The following DLGAP1 variants were observed in gnomAD, a reference collection of about 807,000 sequenced individuals.
The protein encoded by DLGAP1 is disks large-associated protein 1.
A neutral mutation model predicts 90.8 loss-of-function variants in DLGAP1; 11 were observed. That is an observed-to-expected ratio of 0.12 (90% CI 0.08 to 0.20). DLGAP1 has a LOEUF of 0.20. Ranked by LOEUF, DLGAP1 falls within the 10% of genes least tolerant of loss-of-function variation. The pLI, the probability that DLGAP1 is intolerant of heterozygous loss-of-function variation, is 1.00. For synonymous variants in DLGAP1, 558 were observed against 540.7 expected (o/e 1.03, Z -0.44); for missense variants, 1,050 against 1,333.8 (o/e 0.79, Z 3.31).
At chr18:3,998,802 CA>C (rs1157673484) in intron 3 of DLGAP1, among the ~76,000 whole-genome samples, 1 of 152,052 alleles carries the variant, frequency 6.6e-6, no homozygotes, top group African/African-American at 2.4e-5. Context: ...CTACCACTAG[CA>C]AAATGATTAC....
intron 1 of DLGAP1, among the ~76,000 whole-genome samples, chr18:4,445,900 A>G (rs1301134064): frequency 6.6e-6 from 1 of 152,104 alleles, no homozygotes; most frequent in African/African-American, 2.4e-5. Context: ...CATTAAAACA[A>G]TTATTTTAAA....
intron 1 of DLGAP1, among the ~76,000 whole-genome samples, chr18:4,280,256 G>A (rs1401478094): frequency 2.6e-5 from 4 of 152,004 alleles, no homozygotes; most frequent in African/African-American, 9.7e-5. Context: ...TACCCACCCT[G>A]GCAATTATTA....
intron 7 of DLGAP1, among the ~76,000 whole-genome samples, chr18:3,650,198 A>G (rs904138130): frequency 2.0e-5 from 3 of 152,130 alleles, no homozygotes; most frequent in African/African-American, 7.2e-5. Context: ...ACCTGCCATC[A>G]TGCCTGGCTA....
In DLGAP1 at chr18:3,497,471, G is replaced by A. The variant is rs1233527211; in HGVS notation, c.*1714C>T. The A allele has an allele frequency of 6.6e-6, 1 of 152,068 alleles. No individual in the cohort carries two copies. The highest frequency in any genetic ancestry group is 2.4e-5 in the African/African-American group (1 of 41,394). The allele number at this position is 152,068 out of a possible 1,614,324, so 9.4% of individuals were successfully genotyped here. A position where few individuals can be genotyped will look rare whatever the true frequency, so the allele number is the denominator to read the frequency against. ...TCTGAGAGGTAGCGAATTCTCTAGT[G>A]GTTTTAGAATATGTCCGTGAAAATA... On this transcript the variant is annotated 3_prime_UTR_variant, in exon 13 of 13. Transcript: ENST00000315677.
Position 3,635,282 on chromosome 18 carries a change from C to T in DLGAP1, c.1592-53034G>A, listed in dbSNP as rs371722917. The stretch of plus-strand genomic sequence containing the variant: ...AGTAGCTGGGACTACAGGCGCCCGC[C>T]ACCACGCCCGGCTGATTTTTTTGTA... On this transcript the variant is annotated intron_variant, in intron 7 of 12. Coordinates refer to ENST00000315677, the MANE Select transcript of DLGAP1 (RefSeq NM_004746.4). Among the ~76,000 whole-genome samples, 96 of 152,160 alleles carry T rather than the reference C, an allele frequency of 6.3e-4. No individual in the cohort carries two copies. In the South Asian group the frequency reaches 6.4e-3, roughly 10 times the overall value.
chr18:4,442,528 A>G (rs1388372558), intron 1 of DLGAP1, among the ~76,000 whole-genome samples: 1 of 152,214 alleles, frequency 6.6e-6, no homozygotes, highest in Non-Finnish European at 1.5e-5. Flanking sequence ...GCAGTAGATT[A>G]CCTGGGGTTA....
intron 4 of DLGAP1, among the ~76,000 whole-genome samples, chr18:3,841,456 A>G (rs1235906743): frequency 3.3e-5 from 5 of 152,212 alleles, no homozygotes; most frequent in Admixed American, 3.3e-4. Flanking sequence ...ACTGGCAGGC[A>G]GTGAGAAATT....
At chr18:4,348,628 T>C (rs1487622020) in intron 1 of DLGAP1, among the ~76,000 whole-genome samples, 1 of 152,064 alleles carries the variant, frequency 6.6e-6, no homozygotes, top group Non-Finnish European at 1.5e-5. Context: ...GAAAGGTTGA[T>C]TTTGGGAATG....
intron 1 of DLGAP1, among the ~76,000 whole-genome samples, chr18:4,300,985 A>G (rs555734684): frequency 6.6e-6 from 1 of 152,228 alleles, no homozygotes; most frequent in South Asian, 2.1e-4. Flanking sequence ...TTTTTAATTA[A>G]AATATTTATT....
intron 1 of DLGAP1, among the ~76,000 whole-genome samples, chr18:4,217,167 A>G (rs1403995033): frequency 1.3e-5 from 2 of 152,008 alleles, no homozygotes; most frequent in African/African-American, 4.8e-5. Context: ...CCTTTCACTT[A>G]GCCGTATGTA....
At position 3,879,216 on chromosome 18, in the gene DLGAP1, C is replaced by A. The variant is rs1160652768; in HGVS notation, c.853G>T (p.Val285Leu). The A allele has an allele frequency of 6.4e-7, 1 of 1,573,920 alleles. No individual in the cohort carries two copies. Among genetic ancestry groups the A allele is most frequent in the Non-Finnish European group, 8.6e-7 (1 of 1,159,742 alleles). ...TGGTAAACCTCCCGGGCCCGGCTCA[C>A]GGTGAGCGTGGAGGACCAGGCGCTC... is the stretch of plus-strand genomic sequence containing the variant. ...KKSAWSSTLT[V>L]SRAREVYQKA... The change falls in exon 4 of 13, where the codon GTG (valine) becomes TTG (leucine). Residue 285 changes from valine to leucine, a missense_variant. Around this residue, in one of 2 missense-constraint regions of DLGAP1, gnomAD observed 485 missense variants for 454.1 expected, o/e 1.07. Transcript: ENST00000315677. The surrounding 1 kb of genome is among the most constrained non-coding windows in gnomAD (Gnocchi z 6.6).
At chr18:4,102,029 G>A (rs1409245353) in intron 2 of DLGAP1, among the ~76,000 whole-genome samples, 1 of 152,040 alleles carries the variant, frequency 6.6e-6, no homozygotes, top group African/African-American at 2.4e-5. Context: ...CATTAAAGCA[G>A]TCTTCTGTGT....
chr18:3,732,574 T>G (rs2147505417), intron 6 of DLGAP1, among the ~76,000 whole-genome samples: 1 of 152,336 alleles, frequency 6.6e-6, no homozygotes, highest in African/African-American at 2.4e-5. Flanking sequence ...AAATATCACA[T>G]TAACTCATAG....
At chr18:3,951,938 T>C (rs543763237) in intron 3 of DLGAP1, among the ~76,000 whole-genome samples, 1 of 152,358 alleles carries the variant, frequency 6.6e-6, no homozygotes, top group South Asian at 2.1e-4. Context: ...GGTAGTATCT[T>C]TATAGCAGTG....
chr18:3,963,259 G>C (rs945215506), intron 3 of DLGAP1, among the ~76,000 whole-genome samples: 2 of 107,866 alleles, frequency 1.9e-5, no homozygotes, highest in Admixed American at 2.2e-4. Context: ...AGCTCCAAAG[G>C]CTCCATTTCA....
In DLGAP1 at chr18:3,684,009, G is replaced by A. The variant is rs190476880; in HGVS notation, c.1591+45126C>T. ...AGAACTGGTTCTGAGACATTAAGCC[G>A]TCAGTAAGTGGTGCCTATTGTTATT... On this transcript the variant is annotated intron_variant, in intron 7 of 12. Transcript: ENST00000315677. 6.2e-4 allele frequency among the ~76,000 whole-genome samples: 94 copies of A among 152,220 alleles called. 1 individual carries two copies. Among genetic ancestry groups the A allele is most frequent in the Admixed American group, 3.9e-3 (60 of 15,288 alleles).
At chr18:3,544,421 A>G (rs2052892571) in intron 9 of DLGAP1, among the ~76,000 whole-genome samples, 1 of 152,140 alleles carries the variant, frequency 6.6e-6, no homozygotes, top group Non-Finnish European at 1.5e-5. Flanking sequence ...AAGAAGCTGA[A>G]AGTATTCATC....
chr18:3,657,654 G>C (rs984102515), intron 7 of DLGAP1, among the ~76,000 whole-genome samples: 4 of 148,088 alleles, frequency 2.7e-5, no homozygotes, highest in African/African-American at 5.0e-5. Context: ...CCAGGCTGGA[G>C]TGCAGTGGCG....
chr18:3,620,856 C>G (rs1225701693), intron 7 of DLGAP1, among the ~76,000 whole-genome samples: 1 of 152,184 alleles, frequency 6.6e-6, no homozygotes, highest in Non-Finnish European at 1.5e-5. Flanking sequence ...CCACGTCCGG[C>G]CTGGTATCAC....
Sources: gnomAD v4.1 joint callset for allele counts (sites outside exome capture counted in the v4.1 genomes callset) on GRCh38, gnomAD v4.1.1 for gene constraint, gnomAD v4.1.1 regional missense constraint, Gnocchi (gnomAD v3.1) non-coding constraint, MANE v1.5 for transcripts, NCBI Gene and HGNC (gene_info 2026-07-23, HGNC 2026-07-21) for gene names.